SGO1: variants seen among roughly 807,000 people sequenced by gnomAD.
SGO1 encodes serologically defined breast cancer antigen NY-BR-85.
A neutral mutation model predicts 50.5 loss-of-function variants in SGO1; 39 were observed. That is an observed-to-expected ratio of 0.77 (90% CI 0.60 to 1.01). SGO1 has a LOEUF of 1.01. Among genes scored for constraint, SGO1 ranks in the 50% least tolerant of loss-of-function variants. The probability of loss-of-function intolerance (pLI) is 0.00; values close to 1 mark genes in which losing one functional copy is unlikely to be tolerated. For synonymous variants in SGO1, 191 were observed against 205.1 expected, an observed-to-expected ratio of 0.93 and a Z score of 0.59; for missense variants, 638 against 606.0, an observed-to-expected ratio of 1.05 and a Z score of -0.55.
downstream of SGO1, among the ~76,000 whole-genome samples, chr3:20,168,717 A>T (rs1231456618): frequency 6.8e-6 from 1 of 147,254 alleles, no homozygotes; most frequent in Non-Finnish European, 1.5e-5. Flanking sequence ...ATCTCGGCTC[A>T]CTGCAAGCTC....
chr3:20,183,763 T>C lies in SGO1; in HGVS notation c.184A>G (p.Lys62Glu). The change falls in exon 3 of 8, where the codon AAA becomes GAA. Residue 62 changes from lysine to glutamate, a missense_variant. Transcript: ENST00000412997. Reference sequence around the variant, plus strand: ...TTTTCCAAAGCTAAAACTAACATTTTGTTGTTGTCTTGGTAATTTTTCAGC... The same window carrying C: ...TTTTCCAAAGCTAAAACTAACATTTCGTTGTTGTCTTGGTAATTTTTCAGC... ...TLLKNYQDNNKMLVLALENEK... is the reference protein window; with the variant it reads ...TLLKNYQDNNEMLVLALENEK... 2 of 1,612,244 alleles carry C rather than the reference T, an allele frequency of 1.2e-6. No homozygotes were observed. The highest frequency in any genetic ancestry group is 2.2e-5 in the East Asian group (1 of 44,812).
downstream of SGO1, chr3:20,169,365 C>G (rs552898892): frequency 3.1e-6 from 3 of 983,426 alleles, no homozygotes; most frequent in African/African-American, 1.8e-5. Flanking sequence ...CCTAGAACAC[C>G]CCCCCCTCAA....
downstream of SGO1, among the ~76,000 whole-genome samples, chr3:20,167,672 G>A (rs921661916): frequency 1.3e-5 from 2 of 152,074 alleles, no homozygotes; most frequent in African/African-American, 4.8e-5. Flanking sequence ...CTAAGTGATC[G>A]ACAGTGTGTG....
At chr3:20,178,812 A>C (rs1468245012) in intron 3 of SGO1, among the ~76,000 whole-genome samples, 1 of 152,220 alleles carries the variant, frequency 6.6e-6, no homozygotes. Context: ...CACTGAGAAC[A>C]GTAGGAGATG....
intron 8 of SGO1, chr3:20,161,319 G>A (rs1442945021): frequency 3.6e-6 from 5 of 1,404,168 alleles, no homozygotes; most frequent in Non-Finnish European, 4.6e-6. Context: ...TTCCATGAAG[G>A]ATGAGCTCAC....
intron 5 of SGO1, among the ~76,000 whole-genome samples, chr3:20,175,597 C>A (rs1036020311): frequency 1.3e-5 from 2 of 151,176 alleles, no homozygotes; most frequent in Non-Finnish European, 2.9e-5. Flanking sequence ...GAGATCGAGA[C>A]CATCCTGGCT....
chr3:20,184,764 A>G (rs1289940964), intron 1 of SGO1, among the ~76,000 whole-genome samples: 2 of 152,224 alleles, frequency 1.3e-5, no homozygotes, highest in African/African-American at 2.4e-5. Context: ...CAGACATTAA[A>G]TATTGTTGTA....
At position 20,183,877 on chromosome 3, in the gene SGO1, A is replaced by G. The variant is rs533438720; in HGVS notation, c.142+9T>C. On this transcript the variant is annotated intron_variant, in intron 2 of 7. Coordinates refer to ENST00000412997, the MANE Select transcript of SGO1 (RefSeq NM_001199251.3). Reference sequence around the variant, plus strand: ...AGTGATATAAAAGGACAACATAAAAATCTCTTACTGATTATTTGGCATGGT... The same window carrying G: ...AGTGATATAAAAGGACAACATAAAAGTCTCTTACTGATTATTTGGCATGGT... 4 of 1,604,652 alleles carry G rather than the reference A, an allele frequency of 2.5e-6. No individual in the cohort carries two copies. In the Admixed American group the frequency reaches 7.0e-5, roughly 28 times the overall value.
At chr3:20,178,533 G>C (rs1274532586) in intron 3 of SGO1, among the ~76,000 whole-genome samples, 186 bp from the exon 4 acceptor site, 1 of 152,166 alleles carries the variant, frequency 6.6e-6, no homozygotes, top group African/African-American at 2.4e-5. Context: ...TCTAGTGCAG[G>C]GAAGTAAAAT....
At chr3:20,173,438 C>T (rs1260487307) in intron 6 of SGO1, among the ~76,000 whole-genome samples, 1 of 152,148 alleles carries the variant, frequency 6.6e-6, no homozygotes, top group African/African-American at 2.4e-5. Context: ...ACCCGCCCGG[C>T]TTACAGCATA....
At chr3:20,185,405 T>C (rs578132257) in intron 1 of SGO1, among the ~76,000 whole-genome samples, 1 of 152,274 alleles carries the variant, frequency 6.6e-6, no homozygotes, top group African/African-American at 2.4e-5. Flanking sequence ...AATAAGGCGA[T>C]GGTTATTAGC....
At chr3:20,163,975 A>G (rs917249366) in intron 8 of SGO1, among the ~76,000 whole-genome samples, 7 of 152,210 alleles carry the variant, frequency 4.6e-5, no homozygotes, top group African/African-American at 1.7e-4. Context: ...CAAAAGTCCT[A>G]GCACAAATAG....
intron 5 of SGO1, among the ~76,000 whole-genome samples, chr3:20,176,065 C>T (rs917102623): frequency 1.3e-5 from 2 of 152,124 alleles, no homozygotes; most frequent in Non-Finnish European, 2.9e-5. Flanking sequence ...CTTCCTTCGA[C>T]GTCTGGTTTT....
chr3:20,161,426 A>G (rs1700034051), intron 8 of SGO1, among the ~76,000 whole-genome samples: 1 of 152,222 alleles, frequency 6.6e-6, no homozygotes, highest in Admixed American at 6.5e-5. Flanking sequence ...AAATAGAGAA[A>G]ACATTAAGTG....
At chr3:20,161,028 G>T in exon 9 of SGO1, 2 of 1,596,560 alleles carry the variant, frequency 1.3e-6, no homozygotes, top group South Asian at 2.3e-5. Flanking sequence ...CATAAAGCTA[G>T]AATCTATTAA....
chr3:20,174,120 C>A, intron 6 of SGO1, 129 bp downstream of exon 6: 1 of 750,700 alleles, frequency 1.3e-6, no homozygotes, highest in South Asian at 1.8e-5. Flanking sequence ...ATAACTTCCA[C>A]CAAAGAGAGA....
At chr3:20,180,784 T>C (rs1432700915) in intron 3 of SGO1, among the ~76,000 whole-genome samples, 1 of 152,206 alleles carries the variant, frequency 6.6e-6, no homozygotes, top group Non-Finnish European at 1.5e-5. Flanking sequence ...TTATAATAAA[T>C]AAGCTAAAAA....
Position 20,170,073 on chromosome 3 carries a change from T to C in SGO1, c.*631A>G, listed in dbSNP as rs1700555963. On this transcript the variant is annotated 3_prime_UTR_variant, in exon 8 of 8. Coordinates refer to ENST00000412997, the MANE Select transcript of SGO1 (RefSeq NM_001199251.3). ...GAAGCTTATAATTAAAAGATCTTATTTGAGTAATCATTATTCATTTCTACA... is the reference window on the plus strand; with the variant it reads ...GAAGCTTATAATTAAAAGATCTTATCTGAGTAATCATTATTCATTTCTACA... 1.0e-6 allele frequency: 1 copy of C among 985,294 alleles called. No individual in the cohort carries two copies. The highest frequency in any genetic ancestry group is 1.2e-6 in the Non-Finnish European group (1 of 829,784). The allele number at this position is 985,294 out of a possible 1,614,324, so 61.0% of individuals were successfully genotyped here.
In SGO1 at chr3:20,169,918, A is replaced by G; in HGVS notation, c.*786T>C. ...TGTCAAATATTTATTTTACTCGAAT[A>G]CTACACAGAGTTTCAAAAGATCCAC... On this transcript the variant is annotated 3_prime_UTR_variant, in exon 8 of 8. Coordinates refer to ENST00000412997, the MANE Select transcript of SGO1 (RefSeq NM_001199251.3). 1.0e-6 allele frequency: 1 copy of G among 983,590 alleles called. No homozygotes were observed. The highest frequency in any genetic ancestry group is 1.2e-6 in the Non-Finnish European group (1 of 828,238). The allele number at this position is 983,590 out of a possible 1,614,324, so 60.9% of individuals were successfully genotyped here.
Sources: gnomAD v4.1 joint callset for allele counts (sites outside exome capture counted in the v4.1 genomes callset) on GRCh38, gnomAD v4.1.1 for gene constraint, MANE v1.5 for transcripts, NCBI Gene and HGNC (gene_info 2026-07-23, HGNC 2026-07-21) for gene names.